Variants in HSF4 observed in about 807,000 individuals in gnomAD.
The protein encoded by HSF4 is heat shock factor protein 4.
In HSF4, 41 loss-of-function variants were observed where a neutral mutation model predicts 52.0. The observed-to-expected ratio is 0.79, with a 90% confidence interval of 0.61 to 1.02. The LOEUF (loss-of-function observed/expected upper bound fraction) is 1.02. HSF4 is among the 50% of genes least tolerant of loss of function. The pLI, the probability that HSF4 is intolerant of heterozygous loss-of-function variation, is 0.00. For synonymous variants in HSF4, 285 were observed against 273.0 expected, an observed-to-expected ratio of 1.04 and a Z score of -0.43; for missense variants, 610 against 651.1, an observed-to-expected ratio of 0.94 and a Z score of 0.69.
chr16:67,164,795 C>T lies in HSF4; in HGVS notation c.-17C>T, dbSNP rs369746035. 5 of 1,585,864 alleles carry T rather than the reference C, an allele frequency of 3.2e-6. No homozygotes were observed. Among genetic ancestry groups the T allele is most frequent in the Non-Finnish European group, 3.4e-6 (4 of 1,173,508 alleles). On this transcript the variant is annotated 5_prime_UTR_variant, in exon 1 of 13. Transcript: ENST00000521374. ...CAGCGGCCGGGCCCGAGCGCAGAGCCGGGCCGAGACTGCACCATGCAGGAA... is the reference window on the plus strand; with the variant it reads ...CAGCGGCCGGGCCCGAGCGCAGAGCTGGGCCGAGACTGCACCATGCAGGAA...
In HSF4 at chr16:67,169,824, G is replaced by A; in HGVS notation, c.*39G>A. 8.1e-6 allele frequency: 13 copies of A among 1,611,976 alleles called. No individual in the cohort carries two copies. The highest frequency in any genetic ancestry group is 1.1e-5 in the South Asian group (1 of 91,062). ...TGAAGGGGCTTGGAACCAGTCCGCCGCTGCACATCCTTCTTGGCTTCCTGG... is the reference window on the plus strand; with the variant it reads ...TGAAGGGGCTTGGAACCAGTCCGCCACTGCACATCCTTCTTGGCTTCCTGG... On this transcript the variant is annotated 3_prime_UTR_variant, in exon 13 of 13. Coordinates refer to ENST00000521374, the MANE Select transcript of HSF4 (RefSeq NM_001374675.1). This position sits in a 1 kb window ranked among gnomAD's most constrained non-coding sequence, Gnocchi z 4.3.
At chr16:67,164,376 G>C, upstream of HSF4, 2 of 403,538 alleles carry the variant, frequency 5.0e-6, no homozygotes, top group East Asian at 7.4e-5. Context: ...GTGCTTCCCT[G>C]CCCCCCCTTC....
At chr16:67,168,513 A>C (rs2031468514) in intron 9 of HSF4, among the ~76,000 whole-genome samples, 4 of 151,814 alleles carry the variant, frequency 2.6e-5, no homozygotes, top group Admixed American at 6.6e-5. Context: ...AGAGAGAGAG[A>C]GAAAGAAAAA....
rs776466786 is a variant in HSF4, at chr16:67,165,885, G to A, written c.360+39G>A. 6.3e-7 allele frequency: 1 copy of A among 1,596,700 alleles called. No homozygotes were observed. Among genetic ancestry groups the A allele is most frequent in the East Asian group, 2.2e-5 (1 of 44,758 alleles). On this transcript the variant is annotated intron_variant, in intron 3 of 12. Coordinates refer to ENST00000521374, the MANE Select transcript of HSF4 (RefSeq NM_001374675.1). The surrounding 1 kb of genome is among the most constrained non-coding windows in gnomAD (Gnocchi z 6.9). ...GCGGGAATGAGCAAAGAGGAGGAGG[G>A]GTGCTGGGACTGCCTGCCTTGCTCC...
At position 67,167,956 on chromosome 16, in the gene HSF4, A is replaced by T; in HGVS notation, c.1082+9A>T. On this transcript the variant is annotated intron_variant, in intron 9 of 12. Coordinates refer to ENST00000521374, the MANE Select transcript of HSF4 (RefSeq NM_001374675.1). Reference sequence around the variant, plus strand: ...AGGGAGATACCTGACAGGTGAGCAGAGCCCCAGCTGGCCCATGAGCCCTGT... The same window carrying T: ...AGGGAGATACCTGACAGGTGAGCAGTGCCCCAGCTGGCCCATGAGCCCTGT... 6.3e-7 allele frequency: 1 copy of T among 1,574,804 alleles called. No individual in the cohort carries two copies. The highest frequency in any genetic ancestry group is 1.1e-5 in the South Asian group (1 of 87,700).
At chr16:67,168,624 C>T (rs957986762) in intron 9 of HSF4, among the ~76,000 whole-genome samples, 1 of 152,152 alleles carries the variant, frequency 6.6e-6, no homozygotes, top group African/African-American at 2.4e-5. Context: ...GCTCCACCAC[C>T]CAAACTTCAG....
At chr16:67,168,053 G>GC (rs2031435581) in intron 9 of HSF4, 106 bp downstream of exon 9, 1 of 967,668 alleles carries the variant, frequency 1.0e-6, no homozygotes, top group South Asian at 1.4e-5. Context: ...TGATTTCTTG[G>GC]CCCCAGCATC....
rs1211408371 is a variant in HSF4 at position 67,165,893 on chromosome 16, G to A, written c.360+47G>A. On this transcript the variant is annotated intron_variant, in intron 3 of 12. Transcript: ENST00000521374. The surrounding 1 kb of genome is among the most constrained non-coding windows in gnomAD (Gnocchi z 6.9). The stretch of plus-strand genomic sequence containing the variant: ...GAGCAAAGAGGAGGAGGGGTGCTGG[G>A]ACTGCCTGCCTTGCTCCTGCGACCC... 2 of 1,595,430 alleles carry A rather than the reference G, an allele frequency of 1.3e-6. No individual in the cohort carries two copies. Among genetic ancestry groups the A allele is most frequent in the South Asian group, 2.2e-5 (2 of 90,794 alleles).
intron 4 of HSF4, 88 bp from the exon 5 acceptor site, chr16:67,166,232 C>A (rs1340036989): frequency 2.8e-6 from 4 of 1,431,698 alleles, no homozygotes; most frequent in Non-Finnish European, 3.9e-6. Context: ...GCGGGGTGGT[C>A]TCCTGGGTCC....
At position 67,166,014 on chromosome 16, in the gene HSF4, G is replaced by T; in HGVS notation, c.429G>T (p.Val143=). The T allele has an allele frequency of 1.3e-6, 2 of 1,537,692 alleles. No homozygotes were observed. The highest frequency in any genetic ancestry group is 8.7e-7 in the Non-Finnish European group (1 of 1,149,032). ...ACCTGGGTCGACTACTGGGCGAGGT[G>T]CAGGCTTTGCGGGGAGTGCAGGAGA... The part of the protein sequence containing the change: ...PEDLGRLLGE[V]QALRGVQEST... Residue 143 remains valine, a synonymous_variant, in exon 4 of 13, where the codon GTG becomes GTT. Transcript: ENST00000521374.
At chr16:67,167,378 A>G in intron 7 of HSF4, 97 bp from the exon 8 acceptor site, 1 of 1,611,286 alleles carries the variant, frequency 6.2e-7, no homozygotes, top group Non-Finnish European at 8.5e-7. Flanking sequence ...CCTCCCTCAA[A>G]CCTTCTCCCT....
upstream of HSF4, chr16:67,164,334 T>G: frequency 2.5e-6 from 1 of 393,810 alleles, no homozygotes; most frequent in South Asian, 1.9e-5. Context: ...ACCCTTGGAA[T>G]GACTACGTCC....
chr16:67,165,941 T>C lies in HSF4; in HGVS notation c.361-5T>C. On this transcript the variant is annotated splice_region_variant and splice_polypyrimidine_tract_variant and intron_variant, in intron 3 of 12. Transcript: ENST00000521374. This position sits in a 1 kb window ranked among gnomAD's most constrained non-coding sequence, Gnocchi z 6.9. ...CCCAGTCCCGACGGTGCCTCCCGCC[T>C]GCAGGTGCCCGCGCTGCGCGGCGAC... 6.3e-7 allele frequency: 1 copy of C among 1,578,804 alleles called. No homozygotes were observed. Among genetic ancestry groups the C allele is most frequent in the South Asian group, 1.1e-5 (1 of 88,796 alleles).
In HSF4 at chr16:67,166,045, G is replaced by C; in HGVS notation, c.460G>C (p.Glu154Gln). 1 of 1,533,528 alleles carries C rather than the reference G, an allele frequency of 6.5e-7. No individual in the cohort carries two copies. The highest frequency in any genetic ancestry group is 8.7e-7 in the Non-Finnish European group (1 of 1,146,738). 95.0% of individuals were successfully genotyped at this position (1,533,528 alleles called of 1,614,324 possible). A position where few individuals can be genotyped will look rare whatever the true frequency, so the allele number is the denominator to read the frequency against. ...QALRGVQEST[E>Q]ARLRELRQQN... is the part of the protein sequence containing the mutation. ...TTTGCGGGGAGTGCAGGAGAGCACC[G>C]AGGCGCGGCTGCGGGAGCTCAGGCA... The change falls in exon 4 of 13, where the codon GAG becomes CAG. Residue 154 changes from glutamate (E) to glutamine (Q), a missense_variant. Transcript: ENST00000521374.
At chr16:67,167,369 C>T (rs1464608214) in intron 7 of HSF4, 106 bp from the exon 8 acceptor site, 3 of 1,610,872 alleles carry the variant, frequency 1.9e-6, no homozygotes, top group Admixed American at 3.3e-5. Flanking sequence ...ACTGAGCCTC[C>T]TCCCTCAAAC....
intron 7 of HSF4, 103 bp from the exon 8 acceptor site, chr16:67,167,372 C>T (rs1164540245): frequency 6.2e-7 from 1 of 1,611,098 alleles, no homozygotes; most frequent in African/African-American, 1.3e-5. Flanking sequence ...GAGCCTCCTC[C>T]CTCAAACCTT....
chr16:67,169,538 T>TA lies in HSF4; in HGVS notation c.1325-91dup. The TA allele has an allele frequency of 6.3e-7, 1 of 1,598,110 alleles. No homozygotes were observed. Among genetic ancestry groups the TA allele is most frequent in the Non-Finnish European group, 8.5e-7 (1 of 1,179,138 alleles). On this transcript the variant is annotated intron_variant, in intron 12 of 12. Coordinates refer to ENST00000521374, the MANE Select transcript of HSF4 (RefSeq NM_001374675.1). The surrounding 1 kb of genome is among the most constrained non-coding windows in gnomAD (Gnocchi z 4.3). Reference sequence around the variant, plus strand: ...GAGGTTAAGAATGGATGTTTTATCCTAACTGAGCAGAAGGCAGGCGGGCAG... The same window carrying TA: ...GAGGTTAAGAATGGATGTTTTATCCTAAACTGAGCAGAAGGCAGGCGGGCAG...
At position 67,165,497 on chromosome 16, in the gene HSF4, G is replaced by C. The variant is rs202110361; in HGVS notation, c.124-25G>C. ...TCACCCTCCTGGTCTCCGCCCGCAC[G>C]GTGGGCGGGCGGCGTTCTTGGTAGA... On this transcript the variant is annotated intron_variant, in intron 1 of 12. Transcript: ENST00000521374. This position sits in a 1 kb window ranked among gnomAD's most constrained non-coding sequence, Gnocchi z 6.9. 1,749 of 1,601,944 alleles carry C rather than the reference G, an allele frequency of 1.1e-3. 14 individuals carry two copies. In the Middle Eastern group the frequency reaches 0.035, roughly 32 times the overall value.
Position 67,169,745 on chromosome 16 carries a change from C to G in HSF4, c.1439C>G (p.Thr480Ser). ...LTIYSTPESR[T>S]ASYLGPEASP... is the part of the protein sequence containing the mutation. ...ATTTATAGCACTCCTGAGAGCCGGA[C>G]TGCCTCCTACTTGGGCCCGGAAGCC... The change falls in exon 13 of 13, where the codon ACT becomes AGT. Residue 480 changes from threonine to serine, a missense_variant. Coordinates refer to ENST00000521374, the MANE Select transcript of HSF4 (RefSeq NM_001374675.1). The surrounding 1 kb of genome is among the most constrained non-coding windows in gnomAD (Gnocchi z 4.3). The G allele has an allele frequency of 1.2e-6, 2 of 1,613,106 alleles. No individual in the cohort carries two copies. The highest frequency in any genetic ancestry group is 2.2e-5 in the South Asian group (2 of 91,086).
Sources: allele counts gnomAD v4.1 joint callset (sites outside exome capture counted in the v4.1 genomes callset), GRCh38; gene constraint gnomAD v4.1.1; non-coding constraint Gnocchi (gnomAD v3.1); transcripts MANE v1.5; gene names NCBI Gene and HGNC (gene_info 2026-07-23, HGNC 2026-07-21).